Variants in GABRA4 observed in about 807,000 individuals in gnomAD.
The protein encoded by GABRA4 is gamma-aminobutyric acid type A receptor subunit alpha4.
Under a neutral mutation model 49.7 loss-of-function variants are expected in GABRA4, and 12 were observed. The ratio of observed to expected loss-of-function variants is 0.24; its 90% CI spans 0.15 to 0.39. The LOEUF is 0.39. Ranked by LOEUF, GABRA4 falls within the 10% of genes least tolerant of loss-of-function variation. The pLI is 1.00. For missense variants in GABRA4, 506 were observed against 686.0 expected, an observed-to-expected ratio of 0.74 and a Z score of 2.93; for synonymous variants, 288 against 240.2, an observed-to-expected ratio of 1.20 and a Z score of -1.84.
rs750786157 is a variant in GABRA4, at chr4:46,928,426, G to GCA, written c.1463_1464insTG (p.Thr489AlafsTer6). Reference sequence around the variant, plus strand: ...CAGTAGCCCCTATGGTATTAACTGTGGTCTTTATCCTCTGCAGTCTTGATC... The same window carrying GCA: ...CAGTAGCCCCTATGGTATTAACTGTGCAGTCTTTATCCTCTGCAGTCTTGATC... On this transcript the variant is annotated frameshift_variant, in exon 9 of 9. Transcript: ENST00000264318. LOFTEE classifies it high-confidence loss of function. 15 of 1,613,506 alleles carry GCA rather than the reference G, an allele frequency of 9.3e-6. No homozygotes were observed. The highest frequency in any genetic ancestry group is 8.5e-6 in the Non-Finnish European group (10 of 1,179,700).
intron 7 of GABRA4, among the ~76,000 whole-genome samples, chr4:46,968,524 T>C (rs551193793): frequency 6.6e-6 from 1 of 151,720 alleles, no homozygotes; most frequent in East Asian, 1.9e-4. Flanking sequence ...TTGTCTTGGG[T>C]CCACCAATTA....
At chr4:46,970,194 T>A (rs1722901173) in intron 7 of GABRA4, among the ~76,000 whole-genome samples, 1 of 151,420 alleles carries the variant, frequency 6.6e-6, no homozygotes, top group Non-Finnish European at 1.5e-5. Context: ...CGCACCAGCA[T>A]CTCTTCAGCT....
intron 2 of GABRA4, among the ~76,000 whole-genome samples, chr4:46,981,485 A>G (rs1347073018): frequency 2.0e-5 from 3 of 152,130 alleles, no homozygotes; most frequent in Admixed American, 6.6e-5. Context: ...ATATGGTCCT[A>G]TGGATCTTTG....
At chr4:46,964,138 G>A (rs1722671875) in intron 8 of GABRA4, among the ~76,000 whole-genome samples, 1 of 151,864 alleles carries the variant, frequency 6.6e-6, no homozygotes, top group Admixed American at 6.6e-5. Flanking sequence ...AGATCATCAA[G>A]TTAAGTGACA....
chr4:46,932,154 C>T (rs1708601209), intron 8 of GABRA4, among the ~76,000 whole-genome samples: 2 of 152,138 alleles, frequency 1.3e-5, no homozygotes, highest in Admixed American at 6.6e-5. Context: ...CATAGAGGAC[C>T]TTTAGGGGGC....
intron 6 of GABRA4, among the ~76,000 whole-genome samples, chr4:46,973,102 T>A (rs1202981959): frequency 6.6e-6 from 1 of 151,776 alleles, no homozygotes; most frequent in Non-Finnish European, 1.5e-5. Flanking sequence ...GTTATAGTAG[T>A]ATCCACTTCA....
intron 8 of GABRA4, among the ~76,000 whole-genome samples, chr4:46,944,789 C>A (rs1227157355): frequency 6.6e-6 from 1 of 152,122 alleles, no homozygotes; most frequent in Non-Finnish European, 1.5e-5. Context: ...ACCATTGCAT[C>A]TTCACACCGC....
At chr4:46,953,995 T>A (rs1401608450) in intron 8 of GABRA4, among the ~76,000 whole-genome samples, 1 of 152,008 alleles carries the variant, frequency 6.6e-6, no homozygotes, top group Non-Finnish European at 1.5e-5. Context: ...GGCAAATCAC[T>A]TAGACCTTTC....
chr4:46,954,772 T>C (rs965633548), intron 8 of GABRA4, among the ~76,000 whole-genome samples: 2 of 152,124 alleles, frequency 1.3e-5, no homozygotes, highest in South Asian at 2.1e-4. Flanking sequence ...AATCCCTTAA[T>C]GCCTGCCTGC....
chr4:46,934,516 T>C (rs1721541407), intron 8 of GABRA4, among the ~76,000 whole-genome samples: 1 of 152,222 alleles, frequency 6.6e-6, no homozygotes, highest in Non-Finnish European at 1.5e-5. Context: ...GAGTTCCCTA[T>C]TTATTGTATT....
chr4:46,951,817 C>CAT (rs1037991705), intron 8 of GABRA4, among the ~76,000 whole-genome samples: 9 of 147,626 alleles, frequency 6.1e-5, no homozygotes, highest in East Asian at 2.0e-4. Flanking sequence ...TGTGTGTGTA[C>CAT]ATATATATAT....
At chr4:46,981,573 A>G (rs565373774) in intron 2 of GABRA4, among the ~76,000 whole-genome samples, 39 of 152,206 alleles carry the variant, frequency 2.6e-4, no homozygotes, top group African/African-American at 9.1e-4. Context: ...TGTTTACTGA[A>G]TGAGTGCCAG....
intron 8 of GABRA4, among the ~76,000 whole-genome samples, chr4:46,942,051 G>A (rs973851680): frequency 2.0e-5 from 3 of 152,052 alleles, no homozygotes; most frequent in African/African-American, 7.2e-5. Context: ...ATGTCTTAAA[G>A]GCATAACATA....
At position 46,965,021 on chromosome 4, in the gene GABRA4, T is replaced by A. The variant is rs568547571; in HGVS notation, c.1083A>T (p.Glu361Asp). 1 of 1,611,890 alleles carries A rather than the reference T, an allele frequency of 6.2e-7. No individual in the cohort carries two copies. Among genetic ancestry groups the A allele is most frequent in the East Asian group, 2.2e-5 (1 of 44,788 alleles). ...AKRKTSKPPQ[E>D]VPAAPVQREK... The stretch of plus-strand genomic sequence containing the variant: ...CTCTCTGCACTGGAGCAGCGGGAAC[T>A]TCCTGAGGGGGCTTTGATGTCTTCC... Residue 361 changes from glutamate (E) to aspartate (D), a missense_variant, in exon 8 of 9, where the codon GAA becomes GAT. This residue lies in a region of GABRA4 where 243 missense variants were observed against 210.8 expected (regional missense o/e 1.15). Coordinates refer to ENST00000264318, the MANE Select transcript of GABRA4 (RefSeq NM_000809.4).
chr4:46,980,435 T>G (rs1243818523), intron 2 of GABRA4, among the ~76,000 whole-genome samples: 1 of 150,662 alleles, frequency 6.6e-6, no homozygotes, highest in African/African-American at 2.4e-5. Context: ...TCCAAAGTTA[T>G]CTTCATAAAA....
intron 6 of GABRA4, among the ~76,000 whole-genome samples, chr4:46,971,658 C>T (rs1722951231): frequency 6.6e-6 from 1 of 150,942 alleles, no homozygotes. Flanking sequence ...CATACACACA[C>T]ATTTATGAAA....
chr4:46,988,824 A>G (rs1270066575), intron 2 of GABRA4, among the ~76,000 whole-genome samples: 2 of 152,178 alleles, frequency 1.3e-5, no homozygotes, highest in Non-Finnish European at 2.9e-5. Context: ...ATATAGCAAT[A>G]AACCAGCTGC....
chr4:46,954,282 C>A (rs1722267131), intron 8 of GABRA4, among the ~76,000 whole-genome samples: 1 of 152,040 alleles, frequency 6.6e-6, no homozygotes, highest in Non-Finnish European at 1.5e-5. Context: ...AAGAGCCGGG[C>A]ACAGTGGCTC....
At chr4:46,987,069 C>G (rs550471343) in intron 2 of GABRA4, among the ~76,000 whole-genome samples, 3 of 152,244 alleles carry the variant, frequency 2.0e-5, no homozygotes, top group Non-Finnish European at 4.4e-5. Context: ...TAGTTCAGGA[C>G]TTGTCCCTGC....
Sources: gnomAD v4.1 joint callset for allele counts (sites outside exome capture counted in the v4.1 genomes callset) on GRCh38, gnomAD v4.1.1 for gene constraint, gnomAD v4.1.1 regional missense constraint, MANE v1.5 for transcripts, NCBI Gene and HGNC (gene_info 2026-07-23, HGNC 2026-07-21) for gene names.